Variants in SPOCK3 observed in about 807,000 individuals in gnomAD.
SPOCK3 encodes the protein SPARC (osteonectin), cwcv and kazal like domains proteoglycan 3.
SPOCK3 carries 30 observed loss-of-function variants against 56.6 expected under a neutral mutation model. The observed-to-expected ratio is 0.53, with a 90% CI of 0.40 to 0.72. SPOCK3 has a LOEUF of 0.72. Ranked by LOEUF, SPOCK3 falls within the 30% of genes least tolerant of loss-of-function variation. SPOCK3 has a pLI of 0.00. For missense variants in SPOCK3, 527 were observed against 530.0 expected, an observed-to-expected ratio of 0.99 and a Z score of 0.06; for synonymous variants, 196 against 183.3, an observed-to-expected ratio of 1.07 and a Z score of -0.56.
intron 6 of SPOCK3, among the ~76,000 whole-genome samples, chr4:166,830,995 C>T (rs927874464): frequency 1.3e-5 from 2 of 151,500 alleles, no homozygotes; most frequent in African/African-American, 4.9e-5. Context: ...AATTATTTTG[C>T]CTGTTCTGTT....
chr4:166,808,498 T>C (rs1018672379), intron 6 of SPOCK3, among the ~76,000 whole-genome samples: 10 of 151,930 alleles, frequency 6.6e-5, no homozygotes, highest in African/African-American at 1.9e-4. Context: ...GCAAGAAGGC[T>C]GCCATCTGCA....
chr4:167,192,668 T>C lies in SPOCK3; in HGVS notation c.189+41317A>G, dbSNP rs191542968. On this transcript the variant is annotated intron_variant, in intron 2 of 10. Coordinates refer to ENST00000357545, the MANE Select transcript of SPOCK3 (RefSeq NM_001040159.2). ...TTCTGTTAGCTTTTAACTTAGTGTC[T>C]TTTTTCTGACATCTCAAGATGTACA... Among the ~76,000 whole-genome samples the C allele has an allele frequency of 4.5e-4, 66 of 145,942 alleles. 12 individuals are homozygous for C. Among genetic ancestry groups the C allele is most frequent in the African/African-American group, 1.5e-3 (58 of 38,374 alleles).
chr4:166,860,139 T>G (rs766492896), intron 6 of SPOCK3, among the ~76,000 whole-genome samples: 3 of 151,966 alleles, frequency 2.0e-5, no homozygotes, highest in Non-Finnish European at 2.9e-5. Flanking sequence ...TCACCTAGAG[T>G]GTTGTAAGTC....
intron 6 of SPOCK3, among the ~76,000 whole-genome samples, chr4:166,837,989 C>T (rs112481026): frequency 3.9e-5 from 6 of 152,108 alleles, no homozygotes; most frequent in Non-Finnish European, 8.8e-5. Flanking sequence ...TGATATATAT[C>T]GTGTTGCTTT....
rs112898415 is a variant in SPOCK3, at chr4:166,734,639, T to G, written c.*282A>C. ...GCTTATGGAAGATTTACAAAGTTTG[T>G]TCTCGTGAAAAACTTATTATAGTAG... On this transcript the variant is annotated 3_prime_UTR_variant, in exon 11 of 11. Coordinates refer to ENST00000357545, the MANE Select transcript of SPOCK3 (RefSeq NM_001040159.2). 0.02 allele frequency: 5,070 copies of G among 257,912 alleles called. 72 individuals are homozygous for G. Among genetic ancestry groups the G allele is most frequent in the Non-Finnish European group, 0.026 (3,644 of 138,078 alleles). 16.0% of individuals were successfully genotyped at this position (257,912 alleles called of 1,614,324 possible). A position where few individuals can be genotyped will look rare whatever the true frequency, so the allele number is the denominator to read the frequency against.
Position 167,226,915 on chromosome 4 carries a change from T to G in SPOCK3, c.189+7070A>C, listed in dbSNP as rs562133302. On this transcript the variant is annotated intron_variant, in intron 2 of 10. Coordinates refer to ENST00000357545, the MANE Select transcript of SPOCK3 (RefSeq NM_001040159.2). ...TTCAGGGTCTCCTTTCTGCAGGAAC[T>G]TAACCTCTCTCTAACCAACGCATTG... Among the ~76,000 whole-genome samples, 4 of 152,192 alleles carry G rather than the reference T, an allele frequency of 2.6e-5. No homozygotes were observed. In the South Asian group the frequency reaches 6.2e-4, roughly 24 times the overall value.
rs1386877593 is a variant in SPOCK3 at position 166,748,329 on chromosome 4, C to T, written c.931+6179G>A. 2.2e-5 allele frequency among the ~76,000 whole-genome samples: 3 copies of T among 136,680 alleles called. 1 individual carries two copies. The highest frequency in any genetic ancestry group is 4.6e-5 in the Non-Finnish European group (3 of 64,628). 89.7% of individuals were successfully genotyped at this position (136,680 alleles called of 152,430 possible). On this transcript the variant is annotated intron_variant, in intron 8 of 10. Coordinates refer to ENST00000357545, the MANE Select transcript of SPOCK3 (RefSeq NM_001040159.2). Reference sequence around the variant, plus strand: ...CAGAACAGAGCCCTCAGAAATAATACCACACATCTACAACCATCTGATCTT... The same window carrying T: ...CAGAACAGAGCCCTCAGAAATAATATCACACATCTACAACCATCTGATCTT...
At chr4:166,892,802 G>A (rs1005025924) in intron 5 of SPOCK3, among the ~76,000 whole-genome samples, 3 of 151,964 alleles carry the variant, frequency 2.0e-5, no homozygotes, top group East Asian at 1.9e-4. Flanking sequence ...CACTAGTCAC[G>A]GAAAGTTATT....
intron 6 of SPOCK3, among the ~76,000 whole-genome samples, chr4:166,886,196 T>C (rs550451155): frequency 6.6e-6 from 1 of 152,252 alleles, no homozygotes; most frequent in South Asian, 2.1e-4. Context: ...ATTAGAGGCC[T>C]CTAAAAATCA....
At chr4:166,750,700 A>T (rs1308674575) in intron 8 of SPOCK3, among the ~76,000 whole-genome samples, 1 of 152,166 alleles carries the variant, frequency 6.6e-6, no homozygotes, top group East Asian at 1.9e-4. Flanking sequence ...CAACAGTAAC[A>T]ATGCACTTTT....
chr4:167,230,259 G>A (rs570404052), intron 2 of SPOCK3, among the ~76,000 whole-genome samples: 95 of 151,804 alleles, frequency 6.3e-4, no homozygotes, highest in African/African-American at 2.2e-3. Context: ...ACATGATAAA[G>A]GGTATGGTTT....
At position 167,234,135 on chromosome 4, in the gene SPOCK3, G is replaced by T; in HGVS notation, c.39C>A (p.Ala13=). 1 of 1,613,876 alleles carries T rather than the reference G, an allele frequency of 6.2e-7. No homozygotes were observed. The highest frequency in any genetic ancestry group is 8.5e-7 in the Non-Finnish European group (1 of 1,179,994). ...CTGCGAGAGACTGACTGCACCAAGC[G>T]GCTGCACACACACACAGTACGGCTG... The part of the protein sequence containing the change: ...KVSAVLCVCA[A]AWCSQSLAAA... The change falls in exon 2 of 11, where the codon GCC becomes GCA. Residue 13 remains alanine (A), a synonymous_variant. Transcript: ENST00000357545.
chr4:167,054,651 T>C (rs992356464), intron 3 of SPOCK3, among the ~76,000 whole-genome samples: 8 of 152,222 alleles, frequency 5.3e-5, no homozygotes, highest in Non-Finnish European at 1.2e-4. Context: ...CAAAATAGTT[T>C]TTACTTAAGC....
chr4:167,185,522 C>A (rs543427888), intron 2 of SPOCK3, among the ~76,000 whole-genome samples: 1 of 152,196 alleles, frequency 6.6e-6, no homozygotes, highest in East Asian at 1.9e-4. Flanking sequence ...AGAGAACCAA[C>A]CCTAAATCAT....
intron 2 of SPOCK3, among the ~76,000 whole-genome samples, chr4:167,197,965 A>T (rs1205390084): frequency 6.6e-6 from 1 of 152,114 alleles, no homozygotes; most frequent in Non-Finnish European, 1.5e-5. Flanking sequence ...CAACAATTCC[A>T]CTAAGTTGCT....
intron 6 of SPOCK3, among the ~76,000 whole-genome samples, chr4:166,865,920 G>GA (rs199708104): frequency 1.1e-4 from 17 of 152,008 alleles, no homozygotes; most frequent in African/African-American, 3.6e-4. Context: ...CACAGAATTA[G>GA]AAAAAACTAC....
At chr4:166,792,111 C>T (rs998191043) in intron 7 of SPOCK3, 59 bp downstream of exon 7, 3 of 1,594,492 alleles carry the variant, frequency 1.9e-6, no homozygotes, top group Admixed American at 3.4e-5. Context: ...CTAAGTGGTT[C>T]ATTGGAAATA....
At chr4:166,803,783 T>G (rs1742866044) in intron 6 of SPOCK3, among the ~76,000 whole-genome samples, 1 of 152,134 alleles carries the variant, frequency 6.6e-6, no homozygotes, top group Non-Finnish European at 1.5e-5. Flanking sequence ...CTATTAAAAT[T>G]TTATGCCTAG....
chr4:166,948,749 G>A (rs1414123122), intron 4 of SPOCK3, among the ~76,000 whole-genome samples: 1 of 152,028 alleles, frequency 6.6e-6, no homozygotes, highest in African/African-American at 2.4e-5. Context: ...TGGGTAACCC[G>A]ACCTTTCTCT....
Sources: gnomAD v4.1 joint callset for allele counts (sites outside exome capture counted in the v4.1 genomes callset) on GRCh38, gnomAD v4.1.1 for gene constraint, MANE v1.5 for transcripts, NCBI Gene and HGNC (gene_info 2026-07-23, HGNC 2026-07-21) for gene names.